STPG1: variants seen among roughly 807,000 people sequenced by gnomAD.
The protein encoded by STPG1 is sperm tail PG-rich repeat containing 1.
Under a neutral mutation model 40.1 loss-of-function variants are expected in STPG1, and 33 were observed. The observed-to-expected ratio is 0.82, with a 90% CI of 0.62 to 1.10. The LOEUF (loss-of-function observed/expected upper bound fraction) is 1.10, where lower values mean the gene tolerates loss of function less well. Ranked by LOEUF, STPG1 falls within the 50% of genes least tolerant of loss-of-function variation. The pLI, the probability that STPG1 is intolerant of heterozygous loss-of-function variation, is 0.00. For missense variants in STPG1, 396 were observed against 415.1 expected, an observed-to-expected ratio of 0.95 and a Z score of 0.40; for synonymous variants, 150 against 155.0, an observed-to-expected ratio of 0.97 and a Z score of 0.24.
intron 1 of STPG1, among the ~76,000 whole-genome samples, chr1:24,404,899 T>C (rs962646445): frequency 6.6e-6 from 1 of 152,234 alleles, no homozygotes; most frequent in Non-Finnish European, 1.5e-5. Flanking sequence ...TTCTATTTCA[T>C]TGACTTCTAT....
At chr1:24,381,998 C>T (rs532655248) in intron 4 of STPG1, among the ~76,000 whole-genome samples, 2 of 152,322 alleles carry the variant, frequency 1.3e-5, no homozygotes, top group Admixed American at 1.3e-4. Context: ...TGTAACATAA[C>T]TATAAATACA....
intron 1 of STPG1, among the ~76,000 whole-genome samples, chr1:24,403,912 T>A (rs1416738288): frequency 6.6e-6 from 1 of 152,178 alleles, no homozygotes; most frequent in East Asian, 1.9e-4. Context: ...TTATTTCTTC[T>A]TTTCCAATTT....
chr1:24,383,759 T>G, intron 4 of STPG1, 143 bp downstream of exon 4: 2 of 616,196 alleles, frequency 3.2e-6, no homozygotes, highest in Non-Finnish European at 5.9e-6. Flanking sequence ...TTTACTTGCA[T>G]GAAATTTGAG....
At chr1:24,391,716 CA>C (rs751424903) in intron 2 of STPG1, 37 bp from the exon 3 acceptor site, 1 of 1,414,242 alleles carries the variant, frequency 7.1e-7, no homozygotes. Context: ...AAAATGAATA[CA>C]AAACAATGAT....
Position 24,379,805 on chromosome 1 carries a change from TG to T in STPG1, c.309del (p.Ile104SerfsTer37). ...MFPSMCARLD[T>X]IISKYPAANA... is the part of the protein sequence containing the mutation. ...TTCGCTGCAGGGTATTTAGAAATGA[TG>T]GTGTCCAATCGGGCGCACTGTAAGG... is the stretch of plus-strand genomic sequence containing the variant. On this transcript the variant is annotated frameshift_variant, in exon 5 of 9. Transcript: ENST00000337248. LOFTEE classifies it high-confidence loss of function. 1 of 1,614,022 alleles carries T rather than the reference TG, an allele frequency of 6.2e-7. No homozygotes were observed.
chr1:24,390,762 T>C (rs950383156), intron 3 of STPG1, among the ~76,000 whole-genome samples: 2 of 151,996 alleles, frequency 1.3e-5, no homozygotes, highest in Admixed American at 6.6e-5. Context: ...TTTTGTTTTT[T>C]TGTTTTTAAA....
intron 5 of STPG1, 105 bp from the exon 6 acceptor site, chr1:24,373,915 A>T: frequency 1.3e-6 from 1 of 793,050 alleles, no homozygotes; most frequent in East Asian, 2.5e-5. Context: ...ATCAAACCGA[A>T]ACCTGTCCTT....
At chr1:24,365,055 C>T (rs1641366969) in intron 7 of STPG1, among the ~76,000 whole-genome samples, 1 of 152,162 alleles carries the variant, frequency 6.6e-6, no homozygotes, top group South Asian at 2.1e-4. Context: ...TAAAGGGCAG[C>T]CGATTGCCTC....
chr1:24,371,770 CA>C (rs1181107161), intron 6 of STPG1, among the ~76,000 whole-genome samples: 6 of 152,044 alleles, frequency 3.9e-5, no homozygotes, highest in Non-Finnish European at 7.4e-5. Flanking sequence ...AAAGCAAAAG[CA>C]AGGAATAGAA....
intron 1 of STPG1, among the ~76,000 whole-genome samples, chr1:24,407,021 A>G (rs1363542762): frequency 6.6e-6 from 1 of 152,178 alleles, no homozygotes; most frequent in African/African-American, 2.4e-5. Context: ...CCAATATGGT[A>G]CTTCCCCAGT....
intron 1 of STPG1, among the ~76,000 whole-genome samples, chr1:24,412,601 G>C (rs756215250): frequency 2.6e-5 from 4 of 152,130 alleles, no homozygotes; most frequent in African/African-American, 9.7e-5. Flanking sequence ...GCCCACACCC[G>C]TAATCCCAGC....
At chr1:24,379,959 TAAA>T in intron 4 of STPG1, 136 bp from the exon 5 acceptor site, 1 of 836,518 alleles carries the variant, frequency 1.2e-6, no homozygotes, top group South Asian at 1.8e-5. Context: ...GTAACAATGA[TAAA>T]CTGACCTCAG....
At chr1:24,386,553 C>T (rs1202721207) in intron 3 of STPG1, among the ~76,000 whole-genome samples, 2 of 152,176 alleles carry the variant, frequency 1.3e-5, no homozygotes, top group African/African-American at 2.4e-5. Flanking sequence ...CACTTTTCTT[C>T]GAGGAGGGTA....
chr1:24,393,418 C>G (rs1303646720), intron 2 of STPG1, among the ~76,000 whole-genome samples: 2 of 152,186 alleles, frequency 1.3e-5, no homozygotes, highest in African/African-American at 4.8e-5. Flanking sequence ...TACAGCAAAT[C>G]AAAAGGCAGA....
At chr1:24,386,804 TC>T (rs1302685169) in intron 3 of STPG1, among the ~76,000 whole-genome samples, 1 of 152,186 alleles carries the variant, frequency 6.6e-6, no homozygotes, top group Non-Finnish European at 1.5e-5. Context: ...ACTTAGCCAC[TC>T]CTTGGTTTCT....
At chr1:24,367,796 G>C (rs1436909258) in intron 7 of STPG1, among the ~76,000 whole-genome samples, 3 of 152,162 alleles carry the variant, frequency 2.0e-5, no homozygotes, top group Admixed American at 2.0e-4. Flanking sequence ...TTACAGGCGT[G>C]AGTCACCATG....
At chr1:24,370,716 C>T (rs1393100155) in intron 6 of STPG1, among the ~76,000 whole-genome samples, 1 of 151,998 alleles carries the variant, frequency 6.6e-6, no homozygotes, top group Non-Finnish European at 1.5e-5. Flanking sequence ...TGGTCTCGAT[C>T]TCCTGACCTC....
intron 4 of STPG1, among the ~76,000 whole-genome samples, chr1:24,382,728 C>T (rs549950482): frequency 2.0e-5 from 3 of 152,052 alleles, no homozygotes; most frequent in South Asian, 2.1e-4. Context: ...CTGCCAAATT[C>T]GAATTCCAAT....
At chr1:24,412,811 C>G (rs1309614662) in intron 1 of STPG1, among the ~76,000 whole-genome samples, 3 of 152,310 alleles carry the variant, frequency 2.0e-5, no homozygotes, top group African/African-American at 7.2e-5. Flanking sequence ...ATTGTGTGTA[C>G]AGCTGTGCTC....
Sources: gnomAD v4.1 joint callset for allele counts (sites outside exome capture counted in the v4.1 genomes callset) on GRCh38, gnomAD v4.1.1 for gene constraint, MANE v1.5 for transcripts, NCBI Gene and HGNC (gene_info 2026-07-23, HGNC 2026-07-21) for gene names.